Variants in SUMF1 observed in about 807,000 individuals in gnomAD.
The protein encoded by SUMF1 is sulfatase modifying factor 1.
Under a neutral mutation model 47.6 loss-of-function variants are expected in SUMF1, and 48 were observed. That is an observed-to-expected ratio of 1.01 (90% CI 0.80 to 1.28). The LOEUF is 1.28. SUMF1 is among the 50% of genes most tolerant of loss of function. The pLI is 0.00. For synonymous variants in SUMF1, 230 were observed against 192.1 expected (o/e 1.20, Z -1.63); for missense variants, 571 against 485.4 (o/e 1.18, Z -1.66).
chr3:4,138,365 CTTTG>C (rs1398585551), intron 8 of SUMF1, among the ~76,000 whole-genome samples: 1 of 152,112 alleles, frequency 6.6e-6, no homozygotes, highest in Non-Finnish European at 1.5e-5. Context: ...ATAGGAATAT[CTTTG>C]TTTGCCTGAA....
At chr3:4,271,903 A>G (rs923189466) in intron 8 of SUMF1, among the ~76,000 whole-genome samples, 2 of 152,002 alleles carry the variant, frequency 1.3e-5, no homozygotes, top group East Asian at 1.9e-4. Context: ...AGAGCACGCA[A>G]ATGAAGACTA....
At chr3:4,455,722 A>G (rs879543648) in intron 1 of SUMF1, among the ~76,000 whole-genome samples, 1 of 152,110 alleles carries the variant, frequency 6.6e-6, no homozygotes, top group Non-Finnish European at 1.5e-5. Flanking sequence ...GTTTCAAATA[A>G]TAATAATAAT....
chr3:4,150,997 G>A (rs970948542), intron 8 of SUMF1, among the ~76,000 whole-genome samples: 1 of 151,370 alleles, frequency 6.6e-6, no homozygotes, highest in African/African-American at 2.5e-5. Flanking sequence ...GGGACAAATG[G>A]CCTTCACACC....
At chr3:4,301,635 A>G (rs1468244217) in intron 8 of SUMF1, among the ~76,000 whole-genome samples, 6 of 152,228 alleles carry the variant, frequency 3.9e-5, no homozygotes, top group African/African-American at 7.2e-5. Context: ...CCTTAGCTAT[A>G]TGAGTCTAGT....
chr3:4,369,658 G>A (rs1575142626), intron 8 of SUMF1, among the ~76,000 whole-genome samples: 3 of 152,094 alleles, frequency 2.0e-5, no homozygotes, highest in African/African-American at 4.8e-5. Context: ...AGTGGTCCTC[G>A]GACCTCAGCA....
intron 7 of SUMF1, among the ~76,000 whole-genome samples, chr3:4,403,860 C>T (rs1216360415): frequency 6.6e-6 from 1 of 152,188 alleles, no homozygotes; most frequent in Non-Finnish European, 1.5e-5. Context: ...CCATTTCCCA[C>T]CTTTCAGATC....
intron 8 of SUMF1, among the ~76,000 whole-genome samples, chr3:4,254,974 A>G (rs1197416433): frequency 1.3e-5 from 2 of 152,110 alleles, no homozygotes; most frequent in Non-Finnish European, 2.9e-5. Context: ...ATTCTTAAAG[A>G]AAACAATTTT....
chr3:4,165,556 T>C (rs1300957957), intron 8 of SUMF1, among the ~76,000 whole-genome samples: 1 of 152,106 alleles, frequency 6.6e-6, no homozygotes, highest in Non-Finnish European at 1.5e-5. Flanking sequence ...AGTTGTGGAT[T>C]ATCTTTCAAT....
At chr3:4,120,693 T>C (rs1013536420) in intron 8 of SUMF1, among the ~76,000 whole-genome samples, 2 of 152,034 alleles carry the variant, frequency 1.3e-5, no homozygotes, top group Non-Finnish European at 2.9e-5. Context: ...AGGAAGAGGT[T>C]TGGGCAAAGT....
intron 8 of SUMF1, among the ~76,000 whole-genome samples, chr3:4,070,798 AT>A (rs1299284185): frequency 6.6e-6 from 1 of 151,566 alleles, no homozygotes; most frequent in Non-Finnish European, 1.5e-5. Flanking sequence ...ACCACGCCTA[AT>A]TTTTTGCATA....
chr3:4,403,694 G>A (rs1225475290), intron 7 of SUMF1, among the ~76,000 whole-genome samples: 3 of 152,212 alleles, frequency 2.0e-5, no homozygotes, highest in African/African-American at 2.4e-5. Context: ...TTGGACAGAG[G>A]AAACTTCAGT....
At chr3:4,219,817 A>G (rs1696021996) in intron 8 of SUMF1, among the ~76,000 whole-genome samples, 1 of 152,174 alleles carries the variant, frequency 6.6e-6, no homozygotes, top group South Asian at 2.1e-4. Flanking sequence ...AGGAATTTGC[A>G]TTTTTAACAA....
chr3:4,271,900 G>A (rs769776993), intron 8 of SUMF1, among the ~76,000 whole-genome samples: 2 of 151,992 alleles, frequency 1.3e-5, no homozygotes, highest in African/African-American at 4.8e-5. Context: ...CTTAGAGCAC[G>A]CAAATGAAGA....
intron 8 of SUMF1, among the ~76,000 whole-genome samples, chr3:4,217,428 G>T (rs934987725): frequency 2.1e-5 from 3 of 141,658 alleles, no homozygotes; most frequent in Non-Finnish European, 4.6e-5. Context: ...ACAGGTTGAT[G>T]GGTGCAGCAA....
At chr3:4,330,035 C>A (rs1699019379) in intron 8 of SUMF1, among the ~76,000 whole-genome samples, 1 of 152,178 alleles carries the variant, frequency 6.6e-6, no homozygotes, top group South Asian at 2.1e-4. Context: ...TAATGTGTAA[C>A]AAGAGTTACC....
intron 8 of SUMF1, among the ~76,000 whole-genome samples, chr3:4,103,429 C>G (rs1693083558): frequency 6.6e-6 from 1 of 151,820 alleles, no homozygotes; most frequent in Non-Finnish European, 1.5e-5. Flanking sequence ...CTGCAGAACT[C>G]AGAGAAGGTT....
chr3:4,100,272 C>T (rs1435727892), intron 8 of SUMF1, among the ~76,000 whole-genome samples: 1 of 151,830 alleles, frequency 6.6e-6, no homozygotes, highest in Non-Finnish European at 1.5e-5. Context: ...AGGCATCACA[C>T]TACCTGATTA....
At chr3:4,363,584 A>T (rs1473887576) in intron 8 of SUMF1, among the ~76,000 whole-genome samples, 1 of 151,720 alleles carries the variant, frequency 6.6e-6, no homozygotes, top group African/African-American at 2.4e-5. Flanking sequence ...GTATCCTGAG[A>T]CGTTGCTGAA....
At chr3:4,171,900 C>T (rs1040904311) in intron 8 of SUMF1, among the ~76,000 whole-genome samples, 3 of 151,936 alleles carry the variant, frequency 2.0e-5, no homozygotes, top group East Asian at 1.9e-4. Context: ...AGTCCAACCA[C>T]GATATCCTTC....
Sources: allele counts gnomAD v4.1 joint callset (sites outside exome capture counted in the v4.1 genomes callset), GRCh38; gene constraint gnomAD v4.1.1; transcripts MANE v1.5; gene names NCBI Gene and HGNC (gene_info 2026-07-23, HGNC 2026-07-21).